The following FRMD4A variants were observed in gnomAD, a reference collection of about 807,000 sequenced individuals.
FRMD4A encodes FERM domain containing 4A.
In FRMD4A, 29 loss-of-function variants were observed where a neutral mutation model predicts 129.1. The ratio of observed to expected loss-of-function variants is 0.22; its 90% CI spans 0.17 to 0.31. The LOEUF is 0.31. FRMD4A is among the 10% of genes least tolerant of loss of function. FRMD4A has a pLI of 1.00. For missense variants in FRMD4A, 1,272 were observed against 1,375.8 expected, an observed-to-expected ratio of 0.92 and a Z score of 1.19; for synonymous variants, 634 against 571.6, an observed-to-expected ratio of 1.11 and a Z score of -1.56.
chr10:13,671,657 A>C (rs1412376659), intron 16 of FRMD4A, among the ~76,000 whole-genome samples: 7 of 152,194 alleles, frequency 4.6e-5, no homozygotes, highest in Non-Finnish European at 1.5e-5. Flanking sequence ...TCAAGATTAG[A>C]ATCAGGCTCT....
At chr10:14,196,596 A>G (rs890475722) in intron 2 of FRMD4A, among the ~76,000 whole-genome samples, 1 of 152,228 alleles carries the variant, frequency 6.6e-6, no homozygotes, top group African/African-American at 2.4e-5. Flanking sequence ...CTTTCTACAT[A>G]ATTCCTAGAT....
chr10:13,833,251 T>A (rs2093818226), intron 3 of FRMD4A, among the ~76,000 whole-genome samples: 1 of 152,068 alleles, frequency 6.6e-6, no homozygotes, highest in Non-Finnish European at 1.5e-5. Context: ...GGCCTCACAA[T>A]CATGGTGGAA....
At chr10:13,976,309 G>A (rs1421599945) in intron 2 of FRMD4A, among the ~76,000 whole-genome samples, 1 of 152,174 alleles carries the variant, frequency 6.6e-6, no homozygotes, top group Admixed American at 6.5e-5. Context: ...CTCAGTGGCT[G>A]ACCTGGGAGG....
intron 2 of FRMD4A, among the ~76,000 whole-genome samples, chr10:13,954,485 C>A (rs1341871198): frequency 1.3e-5 from 2 of 152,174 alleles, no homozygotes; most frequent in East Asian, 1.9e-4. Flanking sequence ...ATTCAATAAC[C>A]TCCCACCGGG....
At chr10:14,216,158 C>T (rs1443263656) in intron 2 of FRMD4A, among the ~76,000 whole-genome samples, 1 of 152,160 alleles carries the variant, frequency 6.6e-6, no homozygotes, top group Non-Finnish European at 1.5e-5. Flanking sequence ...AAAATTCCGT[C>T]CCGGGGTCTG....
intron 2 of FRMD4A, among the ~76,000 whole-genome samples, chr10:14,022,078 A>G (rs1347734486): frequency 6.6e-6 from 1 of 152,182 alleles, no homozygotes; most frequent in Non-Finnish European, 1.5e-5. Flanking sequence ...TCTAGGTGCC[A>G]TGGAGGTTAC....
At chr10:13,765,965 T>C (rs1381131771) in intron 6 of FRMD4A, among the ~76,000 whole-genome samples, 1 of 152,226 alleles carries the variant, frequency 6.6e-6, no homozygotes, top group Non-Finnish European at 1.5e-5. Context: ...CGGGCTAATA[T>C]TTAACATCTG....
intron 4 of FRMD4A, among the ~76,000 whole-genome samples, chr10:13,797,560 G>T (rs2093148087): frequency 6.6e-6 from 1 of 152,194 alleles, no homozygotes; most frequent in Non-Finnish European, 1.5e-5. Flanking sequence ...GCTGGTCTTG[G>T]AAGAGTGGGG....
At chr10:14,145,077 T>C (rs1026887038) in intron 2 of FRMD4A, among the ~76,000 whole-genome samples, 1 of 152,126 alleles carries the variant, frequency 6.6e-6, no homozygotes, top group African/African-American at 2.4e-5. Flanking sequence ...ACTTGGAGAA[T>C]GGCATTACCA....
At chr10:13,688,616 A>G (rs1052113967) in intron 15 of FRMD4A, among the ~76,000 whole-genome samples, 1 of 152,146 alleles carries the variant, frequency 6.6e-6, no homozygotes, top group Non-Finnish European at 1.5e-5. Context: ...AAAAATAAAA[A>G]TGAAGCAAAA....
intron 8 of FRMD4A, among the ~76,000 whole-genome samples, chr10:13,748,066 A>G (rs967272469): frequency 6.6e-6 from 1 of 152,220 alleles, no homozygotes; most frequent in Non-Finnish European, 1.5e-5. Flanking sequence ...TCAGATGGCC[A>G]GGGGTGTCTT....
chr10:14,243,568 G>T (rs779563662), intron 2 of FRMD4A, among the ~76,000 whole-genome samples: 4 of 152,194 alleles, frequency 2.6e-5, no homozygotes, highest in East Asian at 3.9e-4. Context: ...AATATTATGT[G>T]AGTCCATGTA....
At chr10:14,235,656 G>A (rs565542724) in intron 2 of FRMD4A, among the ~76,000 whole-genome samples, 4 of 152,208 alleles carry the variant, frequency 2.6e-5, no homozygotes, top group African/African-American at 9.6e-5. Context: ...GGGTTCAGTG[G>A]GTGGGCTTCC....
intron 3 of FRMD4A, among the ~76,000 whole-genome samples, chr10:13,814,042 C>T (rs544319691): frequency 2.6e-5 from 4 of 152,270 alleles, no homozygotes; most frequent in South Asian, 2.1e-4. Flanking sequence ...GATTTGTCAA[C>T]GCGTTTTCAC....
chr10:14,173,854 C>A (rs1430712328), intron 2 of FRMD4A, among the ~76,000 whole-genome samples: 1 of 151,952 alleles, frequency 6.6e-6, no homozygotes, highest in Non-Finnish European at 1.5e-5. Context: ...CCTCAGATCG[C>A]GCTGCCGTGC....
intron 2 of FRMD4A, among the ~76,000 whole-genome samples, chr10:14,162,060 T>C (rs1840915906): frequency 2.0e-5 from 3 of 151,374 alleles, no homozygotes; most frequent in Admixed American, 2.0e-4. Context: ...ATAAATCTAA[T>C]ATATTTTCAT....
At chr10:14,301,264 G>A (rs1225235664) in intron 2 of FRMD4A, among the ~76,000 whole-genome samples, 2 of 152,140 alleles carry the variant, frequency 1.3e-5, no homozygotes, top group Non-Finnish European at 2.9e-5. Flanking sequence ...TCGTTCCCCT[G>A]GAATAAACTC....
intron 2 of FRMD4A, among the ~76,000 whole-genome samples, chr10:14,162,117 A>G (rs1840921300): frequency 6.6e-6 from 1 of 152,032 alleles, no homozygotes; most frequent in African/African-American, 2.4e-5. Flanking sequence ...TTATATATAC[A>G]TATTTTTTGT....
At chr10:13,975,649 A>T (rs796703461) in intron 2 of FRMD4A, among the ~76,000 whole-genome samples, 3 of 146,124 alleles carry the variant, frequency 2.1e-5, no homozygotes, top group African/African-American at 7.7e-5. Flanking sequence ...GTGAATCTCT[A>T]TGTGTGTTTG....
Sources: gnomAD v4.1 joint callset for allele counts (sites outside exome capture counted in the v4.1 genomes callset) on GRCh38, gnomAD v4.1.1 for gene constraint, MANE v1.5 for transcripts, NCBI Gene and HGNC (gene_info 2026-07-23, HGNC 2026-07-21) for gene names.